METTL15: variants seen among roughly 807,000 people sequenced by gnomAD.
METTL15 encodes methyltransferase 15, mitochondrial 12S rRNA N4-cytidine.
Under a neutral mutation model 38.3 loss-of-function variants are expected in METTL15, and 34 were observed. The observed-to-expected ratio is 0.89, with a 90% confidence interval of 0.68 to 1.18. The LOEUF (loss-of-function observed/expected upper bound fraction) is 1.18, where lower values mean the gene tolerates loss of function less well. Among genes scored for constraint, METTL15 ranks in the 50% most tolerant of loss-of-function variants. METTL15 has a pLI of 0.00. For synonymous variants in METTL15, 162 were observed against 170.9 expected, an observed-to-expected ratio of 0.95 and a Z score of 0.41; for missense variants, 438 against 498.4, an observed-to-expected ratio of 0.88 and a Z score of 1.15.
chr11:28,133,383 G>T (rs1259457014), intron 3 of METTL15, among the ~76,000 whole-genome samples: 2 of 152,066 alleles, frequency 1.3e-5, no homozygotes, highest in Non-Finnish European at 2.9e-5. Flanking sequence ...TTAGGTCTTG[G>T]CATTTGATCA....
At chr11:28,288,923 C>T (rs1320082553) in intron 4 of METTL15, among the ~76,000 whole-genome samples, 2 of 152,104 alleles carry the variant, frequency 1.3e-5, no homozygotes, top group East Asian at 1.9e-4. Context: ...TGGAATCCCT[C>T]TCTCACCAAT....
intron 6 of METTL15, among the ~76,000 whole-genome samples, chr11:28,487,106 C>T (rs544031674): frequency 4.5e-4 from 68 of 152,174 alleles, no homozygotes; most frequent in African/African-American, 1.6e-3. Context: ...AATCTCATTA[C>T]ATTTATTTGC....
rs1302706005 is a variant in METTL15, at chr11:28,167,598, G to A, written c.271-43464G>A. On this transcript the variant is annotated intron_variant, in intron 3 of 6. Transcript: ENST00000407364. ...CTAATTATGTAAGTATAAGTCATTTGATGCTAAGGAATGAGAGCCTAATGG... is the reference window on the plus strand; with the variant it reads ...CTAATTATGTAAGTATAAGTCATTTAATGCTAAGGAATGAGAGCCTAATGG... Among the ~76,000 whole-genome samples the A allele has an allele frequency of 2.6e-5, 4 of 151,752 alleles. No homozygotes were observed. The East Asian group carries it at 7.7e-4, about 29-fold the overall frequency.
chr11:28,367,322 CT>C (rs1398200280), intron 5 of METTL15, among the ~76,000 whole-genome samples: 1 of 152,040 alleles, frequency 6.6e-6, no homozygotes, highest in Non-Finnish European at 1.5e-5. Flanking sequence ...CAGAAAACCT[CT>C]CTAATTAGGA....
chr11:28,304,960 C>T (rs1857031696), intron 6 of METTL15, among the ~76,000 whole-genome samples: 1 of 152,118 alleles, frequency 6.6e-6, no homozygotes, highest in Admixed American at 6.6e-5. Context: ...GTCAAACCTA[C>T]AGTTGAATTT....
chr11:28,295,405 G>A (rs910193489), intron 5 of METTL15, among the ~76,000 whole-genome samples: 3 of 152,068 alleles, frequency 2.0e-5, no homozygotes, highest in Non-Finnish European at 4.4e-5. Context: ...GCAGCCTACT[G>A]AGATAGAAAT....
At chr11:28,125,265 G>A (rs1164340376) in intron 3 of METTL15, among the ~76,000 whole-genome samples, 1 of 152,140 alleles carries the variant, frequency 6.6e-6, no homozygotes, top group South Asian at 2.1e-4. Flanking sequence ...TTCAGAGTAG[G>A]TATTAAAATT....
chr11:28,207,094 T>C (rs1852379410), intron 3 of METTL15, among the ~76,000 whole-genome samples: 1 of 147,612 alleles, frequency 6.8e-6, no homozygotes. Context: ...ATTGAATACC[T>C]TTTATTTCCT....
In METTL15 at chr11:28,347,426, T is replaced by A. The variant is rs192301986; in HGVS notation, c.*190-4664T>A. Among the ~76,000 whole-genome samples the A allele has an allele frequency of 9.8e-5, 15 of 152,304 alleles. No individual in the cohort carries two copies. The East Asian group carries it at 2.7e-3, about 27-fold the overall frequency. ...ACTTGGGGTCAGACTTACATTACAA[T>A]CTCATGGCTCTTCCAGCCCTCTCCA... On this transcript the variant is annotated intron_variant and NMD_transcript_variant, in intron 3 of 7. Transcript: ENST00000532947.
At chr11:28,529,616 G>C (rs192596977), downstream of METTL15, among the ~76,000 whole-genome samples, 1 of 104,332 alleles carries the variant, frequency 9.6e-6, no homozygotes, top group African/African-American at 3.8e-5. Flanking sequence ...GGTGGGGGGC[G>C]GGGGTAGGAA....
intron 4 of METTL15, among the ~76,000 whole-genome samples, chr11:28,238,939 C>G (rs980292681): frequency 6.6e-6 from 1 of 152,198 alleles, no homozygotes; most frequent in Non-Finnish European, 1.5e-5. Flanking sequence ...ATTTCCTATT[C>G]CTTCAAATGA....
intron 6 of METTL15, among the ~76,000 whole-genome samples, chr11:28,479,980 A>G (rs1248848723): frequency 1.3e-5 from 2 of 152,170 alleles, no homozygotes; most frequent in Non-Finnish European, 2.9e-5. Context: ...TAGTTCCAAC[A>G]TGAATATTGC....
At chr11:28,513,315 T>C (rs1851691918) in intron 6 of METTL15, among the ~76,000 whole-genome samples, 2 of 152,156 alleles carry the variant, frequency 1.3e-5, no homozygotes, top group African/African-American at 4.8e-5. Flanking sequence ...CTGAGTCCAG[T>C]GGAGCTGTGC....
At chr11:28,532,186 G>A in the METTL15 span, among the ~76,000 whole-genome samples, 1 of 151,944 alleles carries the variant, frequency 6.6e-6, no homozygotes, top group Non-Finnish European at 1.5e-5. Flanking sequence ...TTGAATTACT[G>A]ATTAACTCAA....
At chr11:28,519,817 A>G (rs1278377056) in intron 6 of METTL15, among the ~76,000 whole-genome samples, 2 of 152,164 alleles carry the variant, frequency 1.3e-5, no homozygotes, top group East Asian at 1.9e-4. Context: ...CCTTCTTGTT[A>G]TAGAAGAGGA....
intron 6 of METTL15, among the ~76,000 whole-genome samples, chr11:28,444,634 A>C (rs777839920): frequency 6.6e-6 from 1 of 152,180 alleles, no homozygotes; most frequent in Non-Finnish European, 1.5e-5. Flanking sequence ...TTGAGCCTCC[A>C]TGTTTTCATC....
intron 4 of METTL15, among the ~76,000 whole-genome samples, chr11:28,220,556 T>A (rs1247473966): frequency 6.6e-6 from 1 of 152,222 alleles, no homozygotes; most frequent in East Asian, 1.9e-4. Flanking sequence ...ATTTAGCCCA[T>A]TGACATTTAA....
chr11:28,308,892 GTAGATAGATAGA>G (rs68044190), intron 6 of METTL15, among the ~76,000 whole-genome samples: 47 of 147,000 alleles, frequency 3.2e-4, no homozygotes, highest in Middle Eastern at 6.9e-3. Context: ...AGGTAGGTAG[GTAGATAGATAGA>G]TAGATAGATA....
intron 6 of METTL15, among the ~76,000 whole-genome samples, chr11:28,478,693 C>T (rs1193281802): frequency 6.6e-6 from 1 of 152,114 alleles, no homozygotes; most frequent in Non-Finnish European, 1.5e-5. Flanking sequence ...TCATTCACCT[C>T]CCCTTTCTCC....
Sources: allele counts gnomAD v4.1 joint callset (sites outside exome capture counted in the v4.1 genomes callset), GRCh38; gene constraint gnomAD v4.1.1; transcripts MANE v1.5; gene names NCBI Gene and HGNC (gene_info 2026-07-23, HGNC 2026-07-21).